INVS: variants seen among roughly 807,000 people sequenced by gnomAD.
INVS encodes inversin.
Under a neutral mutation model 108.8 loss-of-function variants are expected in INVS, and 86 were observed. The ratio of observed to expected loss-of-function variants is 0.79; its 90% CI spans 0.66 to 0.95. INVS has a LOEUF of 0.95. Among genes scored for constraint, INVS ranks in the 40% least tolerant of loss-of-function variants. The probability of loss-of-function intolerance (pLI) is 0.00; values close to 1 mark genes in which losing one functional copy is unlikely to be tolerated. For synonymous variants in INVS, 455 were observed against 473.5 expected (o/e 0.96, Z 0.51); for missense variants, 1,169 against 1,297.4 (o/e 0.90, Z 1.52).
chr9:100,099,384 G>GC lies in INVS; in HGVS notation c.-52dup, dbSNP rs1564110338. On this transcript the variant is annotated 5_prime_UTR_variant, in exon 1 of 17. Transcript: ENST00000262457. The stretch of plus-strand genomic sequence containing the variant: ...GGTCCGGGTTGCGCCTCCTGGAGCC[G>GC]CCCCCGGGACGTCAGTCCTGGAGGA... The GC allele has an allele frequency of 6.5e-6, 1 of 153,350 alleles. No individual in the cohort carries two copies. Among genetic ancestry groups the GC allele is most frequent in the Admixed American group, 6.5e-5 (1 of 15,314 alleles). 9.5% of individuals were successfully genotyped at this position (153,350 alleles called of 1,614,324 possible). A position where few individuals can be genotyped will look rare whatever the true frequency, so the allele number is the denominator to read the frequency against.
Position 100,272,937 on chromosome 9 carries a change from C to T in INVS, c.1645C>T (p.Leu549=). The T allele has an allele frequency of 6.2e-7, 1 of 1,614,088 alleles. No homozygotes were observed. Among genetic ancestry groups the T allele is most frequent in the Non-Finnish European group, 8.5e-7 (1 of 1,180,008 alleles). The change falls in exon 12 of 17, where the codon CTG becomes TTG. Residue 549 remains leucine, a synonymous_variant. Transcript: ENST00000262457. ...CCAGTTCATGTTGGAGCACGGTGCC[C>T]TGTCCATCGCAGCCATACAAGACAT... ...VIQFMLEHGA[L]SIAAIQDIAA... is the part of the protein sequence containing the mutation.
At chr9:100,224,780 T>A (rs535057465) in intron 3 of INVS, among the ~76,000 whole-genome samples, 36 of 151,806 alleles carry the variant, frequency 2.4e-4, no homozygotes, top group African/African-American at 8.2e-4. Context: ...CACGCCTGGC[T>A]AATTTTTGTA....
chr9:100,177,911 C>T lies in INVS; in HGVS notation c.274-48151C>T, dbSNP rs146895683. Among the ~76,000 whole-genome samples the T allele has an allele frequency of 2.4e-3, 367 of 152,254 alleles. 3 individuals carry two copies. The highest frequency in any genetic ancestry group is 3.8e-3 in the Non-Finnish European group (256 of 68,016). On this transcript the variant is annotated intron_variant, in intron 3 of 16. Transcript: ENST00000262457. ...GCATCTGGCAGGTGCCCCTCTGGAACGAAGCTTCCAGAGGAAGGAACAGGC... is the reference window on the plus strand; with the variant it reads ...GCATCTGGCAGGTGCCCCTCTGGAATGAAGCTTCCAGAGGAAGGAACAGGC...
intron 3 of INVS, among the ~76,000 whole-genome samples, chr9:100,162,496 AG>A (rs1276146735): frequency 6.6e-6 from 1 of 152,202 alleles, no homozygotes; most frequent in Non-Finnish European, 1.5e-5. Flanking sequence ...CCTAAATTTC[AG>A]GCATTGCATA....
At chr9:100,208,191 T>A (rs1038320690) in intron 3 of INVS, among the ~76,000 whole-genome samples, 1 of 152,204 alleles carries the variant, frequency 6.6e-6, no homozygotes, top group Non-Finnish European at 1.5e-5. Flanking sequence ...AGTTCAGGGA[T>A]TGACTTGCAG....
intron 2 of INVS, among the ~76,000 whole-genome samples, chr9:100,109,918 C>T (rs1827291294): frequency 6.6e-6 from 1 of 152,338 alleles, no homozygotes; most frequent in East Asian, 1.9e-4. Flanking sequence ...CCGCCCGCCT[C>T]GGCCTCCCGA....
chr9:100,212,444 A>G (rs1830859615), intron 3 of INVS, among the ~76,000 whole-genome samples: 1 of 152,064 alleles, frequency 6.6e-6, no homozygotes, highest in Non-Finnish European at 1.5e-5. Context: ...CTATATCTTG[A>G]ATCTAGCCAT....
At chr9:100,107,059 T>C (rs1480126022) in intron 2 of INVS, among the ~76,000 whole-genome samples, 3 of 152,222 alleles carry the variant, frequency 2.0e-5, no homozygotes, top group Non-Finnish European at 2.9e-5. Flanking sequence ...TAATTCACTC[T>C]TTTATTAAAA....
chr9:100,214,265 C>T (rs1043029974), intron 3 of INVS, among the ~76,000 whole-genome samples: 1 of 152,044 alleles, frequency 6.6e-6, no homozygotes, highest in Non-Finnish European at 1.5e-5. Context: ...CTATTTTGAC[C>T]CATGCAAGGG....
At position 100,226,149 on chromosome 9, in the gene INVS, ACCACCCGG is replaced by A; in HGVS notation, c.363_370del (p.Thr122GlnfsTer4). On this transcript the variant is annotated frameshift_variant, in exon 4 of 17. Coordinates refer to ENST00000262457, the MANE Select transcript of INVS (RefSeq NM_014425.5). LOFTEE classifies it high-confidence loss of function. Reference sequence around the variant, plus strand: ...GGAAGAGATGACTCCTTTGCACTTGACCACCCGGCACAGGAGCCCTAAGTGTTTGGCAC... The same window carrying A: ...GGAAGAGATGACTCCTTTGCACTTGACACAGGAGCCCTAAGTGTTTGGCAC... 2 of 1,614,014 alleles carry A rather than the reference ACCACCCGG, an allele frequency of 1.2e-6. No homozygotes were observed. Among genetic ancestry groups the A allele is most frequent in the Non-Finnish European group, 1.7e-6 (2 of 1,179,966 alleles).
intron 4 of INVS, 150 bp from the exon 5 acceptor site, chr9:100,229,510 G>A (rs1276376874): frequency 1.0e-5 from 7 of 698,710 alleles, no homozygotes; most frequent in Non-Finnish European, 1.8e-5. Context: ...GACTTCGGTT[G>A]AACACAGAGA....
At chr9:100,104,726 T>C in intron 2 of INVS, 99 bp downstream of exon 2, 1 of 776,352 alleles carries the variant, frequency 1.3e-6, no homozygotes, top group Non-Finnish European at 2.3e-6. Flanking sequence ...TCATACATTT[T>C]AATGGAAATA....
intron 10 of INVS, among the ~76,000 whole-genome samples, chr9:100,260,940 G>C (rs1177819337): frequency 6.6e-6 from 1 of 152,042 alleles, no homozygotes; most frequent in Non-Finnish European, 1.5e-5. Context: ...GCAACCAATC[G>C]TTTATTAATA....
chr9:100,153,655 T>A (rs988229160), intron 3 of INVS, among the ~76,000 whole-genome samples: 2 of 152,222 alleles, frequency 1.3e-5, no homozygotes, highest in Non-Finnish European at 2.9e-5. Flanking sequence ...CTGGGTAATT[T>A]ATAAGGAAGG....
intron 8 of INVS, among the ~76,000 whole-genome samples, chr9:100,249,115 G>A (rs966494557): frequency 1.4e-4 from 22 of 151,776 alleles, no homozygotes; most frequent in Non-Finnish European, 2.6e-4. Flanking sequence ...TGAAAAGGGG[G>A]GAACCCTTTT....
Position 100,246,924 on chromosome 9 carries a change from G to T in INVS, c.1078+137G>T, listed in dbSNP as rs1009586670. ...GTTTGACTTTGGTCTTCAGTTTTAAGTTTGGGTTTGCCAGGATGTCACTCC... is the reference window on the plus strand; with the variant it reads ...GTTTGACTTTGGTCTTCAGTTTTAATTTTGGGTTTGCCAGGATGTCACTCC... On this transcript the variant is annotated intron_variant, in intron 8 of 16. Transcript: ENST00000262457. 9.6e-6 allele frequency: 8 copies of T among 836,814 alleles called. No individual in the cohort carries two copies. The South Asian group carries it at 1.1e-4, about 12-fold the overall frequency. The allele number at this position is 836,814 out of a possible 1,614,324, so 51.8% of individuals were successfully genotyped here.
intron 3 of INVS, among the ~76,000 whole-genome samples, chr9:100,127,371 G>C (rs1014525272): frequency 2.6e-5 from 4 of 152,130 alleles, no homozygotes; most frequent in South Asian, 4.2e-4. Flanking sequence ...ATTATTAAGA[G>C]CTCAGATTTT....
chr9:100,246,552 G>T (rs112969100), intron 7 of INVS, 64 bp from the exon 8 acceptor site: 8 of 1,166,194 alleles, frequency 6.9e-6, no homozygotes, highest in African/African-American at 6.1e-5. Flanking sequence ...ATTATTATAT[G>T]ACTTTATTAC....
intron 3 of INVS, among the ~76,000 whole-genome samples, chr9:100,204,378 G>A (rs1044108906): frequency 3.9e-5 from 6 of 152,130 alleles, no homozygotes; most frequent in Non-Finnish European, 7.4e-5. Flanking sequence ...GGTTTAAAAG[G>A]CAAACTAAAG....
Sources: gnomAD v4.1 joint callset for allele counts (sites outside exome capture counted in the v4.1 genomes callset) on GRCh38, gnomAD v4.1.1 for gene constraint, MANE v1.5 for transcripts, NCBI Gene and HGNC (gene_info 2026-07-23, HGNC 2026-07-21) for gene names.